The following NCAPD3 variants were observed in gnomAD, a reference collection of about 807,000 sequenced individuals.
NCAPD3 encodes the protein condensin-2 complex subunit D3.
NCAPD3 carries 105 observed loss-of-function variants against 182.9 expected under a neutral mutation model. The ratio of observed to expected loss-of-function variants is 0.57; its 90% CI spans 0.49 to 0.68. The LOEUF (loss-of-function observed/expected upper bound fraction) is 0.68. Among genes scored for constraint, NCAPD3 ranks in the 30% least tolerant of loss-of-function variants. The pLI, the probability that NCAPD3 is intolerant of heterozygous loss-of-function variation, is 0.00. For missense variants in NCAPD3, 1,944 were observed against 1,837.0 expected (o/e 1.06, Z -1.07); for synonymous variants, 815 against 679.9 (o/e 1.20, Z -3.09).
intron 24 of NCAPD3, among the ~76,000 whole-genome samples, chr11:134,169,834 T>A (rs180965035): frequency 1.3e-5 from 2 of 152,358 alleles, no homozygotes; most frequent in Admixed American, 1.3e-4. Flanking sequence ...GGGGTCAAAC[T>A]AACATGGTGC....
chr11:134,154,761 G>A (rs773772199), intron 32 of NCAPD3, among the ~76,000 whole-genome samples: 1 of 152,334 alleles, frequency 6.6e-6, no homozygotes, highest in South Asian at 2.1e-4. Flanking sequence ...GCTTCAGAGC[G>A]CTCCCCGTTC....
chr11:134,208,215 C>T (rs1937689838), intron 7 of NCAPD3, among the ~76,000 whole-genome samples: 1 of 152,210 alleles, frequency 6.6e-6, no homozygotes, highest in Non-Finnish European at 1.5e-5. Flanking sequence ...CCAAAAGCCA[C>T]ATGACCTTGG....
chr11:134,200,097 T>C (rs943858618), intron 13 of NCAPD3, among the ~76,000 whole-genome samples: 1 of 152,116 alleles, frequency 6.6e-6, no homozygotes, highest in African/African-American at 2.4e-5. Flanking sequence ...AAAAATTAAC[T>C]GAAAATTGAT....
At chr11:134,197,923 T>A (rs1188289387) in intron 13 of NCAPD3, among the ~76,000 whole-genome samples, 4 of 152,180 alleles carry the variant, frequency 2.6e-5, no homozygotes, top group Admixed American at 1.3e-4. Flanking sequence ...ACAGCTAACG[T>A]CGTACTCAGC....
intron 4 of NCAPD3, 117 bp downstream of exon 4, chr11:134,210,153 T>G (rs1591860807): frequency 1.2e-6 from 1 of 827,624 alleles, no homozygotes; most frequent in Non-Finnish European, 1.9e-6. Context: ...CTTATGATGG[T>G]TTAGGACCAT....
intron 28 of NCAPD3, among the ~76,000 whole-genome samples, chr11:134,160,577 C>G (rs550501205): frequency 6.6e-6 from 1 of 152,202 alleles, no homozygotes; most frequent in Non-Finnish European, 1.5e-5. Flanking sequence ...CAAATCCCAT[C>G]TTTGTGTCTT....
At chr11:134,220,505 TATA>T (rs1938185362) in intron 2 of NCAPD3, 64 bp downstream of exon 2, 2 of 1,471,806 alleles carry the variant, frequency 1.4e-6, no homozygotes, top group Admixed American at 3.6e-5. Flanking sequence ...AGCTTCAGAT[TATA>T]ATAATGACTT....
rs572577340 is a variant in NCAPD3 at position 134,197,856 on chromosome 11, C to T, written c.1616-3118G>A. 2.2e-4 allele frequency among the ~76,000 whole-genome samples: 34 copies of T among 152,280 alleles called. 2 individuals carry two copies. In the South Asian group the frequency reaches 6.9e-3, roughly 31 times the overall value. On this transcript the variant is annotated intron_variant, in intron 13 of 34. Coordinates refer to ENST00000534548, the MANE Select transcript of NCAPD3 (RefSeq NM_015261.3). The stretch of plus-strand genomic sequence containing the variant: ...ACACCTTTCCATGATAAAAACTCAG[C>T]AAGCTTGAAATGGAAGGAAACTTCC...
At chr11:134,199,722 C>T (rs1944708449) in intron 13 of NCAPD3, among the ~76,000 whole-genome samples, 1 of 152,162 alleles carries the variant, frequency 6.6e-6, no homozygotes, top group African/African-American at 2.4e-5. Context: ...AGATCTCTCC[C>T]GCATAACACG....
In NCAPD3 at chr11:134,208,852, C is replaced by T. The variant is rs371081317; in HGVS notation, c.882+12G>A. ...TCAACTAGTAACCAAATTAGGTTCT[C>T]ATCTCCTTTACCTTATCTCCTTCTC... On this transcript the variant is annotated intron_variant, in intron 7 of 34. Transcript: ENST00000534548. 4.4e-6 allele frequency: 7 copies of T among 1,596,062 alleles called. No homozygotes were observed. The highest frequency in any genetic ancestry group is 2.2e-5 in the East Asian group (1 of 44,712).
At chr11:134,164,055 G>C (rs902694566) in intron 27 of NCAPD3, among the ~76,000 whole-genome samples, 8 of 152,114 alleles carry the variant, frequency 5.3e-5, no homozygotes, top group Non-Finnish European at 7.4e-5. Context: ...GCAGGATCTT[G>C]TGGCAAGATA....
rs139784099 is a variant in NCAPD3 at position 134,223,486 on chromosome 11, T to A, written c.64+377A>T. The A allele has an allele frequency of 4.2e-3, 2,922 of 702,470 alleles. 36 individuals are homozygous for A. The highest frequency in any genetic ancestry group is 0.028 in the South Asian group (1,900 of 67,606). 43.5% of individuals were successfully genotyped at this position (702,470 alleles called of 1,614,324 possible). A position where few individuals can be genotyped will look rare whatever the true frequency, so the allele number is the denominator to read the frequency against. ...CATGTGAGACATCCAGTGGAACCTA[T>A]GAACATGAAGTTCAAGAAATAAGTC... On this transcript the variant is annotated intron_variant, in intron 1 of 34. Transcript: ENST00000534548.
At chr11:134,185,571 T>C (rs9888190) in intron 16 of NCAPD3, 45 bp from the exon 17 acceptor site, 266 of 1,474,466 alleles carry the variant, frequency 1.8e-4, no homozygotes, top group African/African-American at 1.5e-3. Flanking sequence ...ACTGTAAATA[T>C]ACAAAATGAT....
intron 20 of NCAPD3, 33 bp from the exon 21 acceptor site, chr11:134,178,969 AG>A: frequency 6.8e-7 from 1 of 1,476,582 alleles, no homozygotes; most frequent in South Asian, 1.2e-5. Flanking sequence ...AGTAAAAATA[AG>A]GCAAAAGAAA....
At position 134,206,663 on chromosome 11, in the gene NCAPD3, G is replaced by C. The variant is rs375103050; in HGVS notation, c.952C>G (p.Arg318Gly). 1.7e-5 allele frequency: 27 copies of C among 1,613,600 alleles called. No homozygotes were observed. The highest frequency in any genetic ancestry group is 2.1e-5 in the Non-Finnish European group (25 of 1,179,736). ...TGGGAGGTAACAGCAAGGGGGGCAC[G>C]ATGGGATCCTTCACCAACTTCTAAC... ...LMLEVGEGSH[R>G]APLAVTSQVI... Residue 318 changes from arginine to glycine, a missense_variant, in exon 8 of 35, where the codon CGT (arginine) becomes GGT (glycine). Transcript: ENST00000534548.
chr11:134,215,450 G>A (rs1482351194), intron 3 of NCAPD3, among the ~76,000 whole-genome samples: 1 of 152,164 alleles, frequency 6.6e-6, no homozygotes, highest in Non-Finnish European at 1.5e-5. Flanking sequence ...AATGAGTTTG[G>A]CAAGGTTCTA....
intron 15 of NCAPD3, 106 bp downstream of exon 15, chr11:134,193,910 A>G (rs991710474): frequency 8.5e-7 from 1 of 1,175,088 alleles, no homozygotes; most frequent in African/African-American, 1.5e-5. Flanking sequence ...TGGACTTAGT[A>G]GAGTTTTTAA....
At chr11:134,155,150 C>A (rs771844239) in intron 32 of NCAPD3, among the ~76,000 whole-genome samples, 2 of 152,212 alleles carry the variant, frequency 1.3e-5, no homozygotes, top group Non-Finnish European at 2.9e-5. Context: ...AAAACCCCCA[C>A]AGATTTTCAG....
chr11:134,216,311 T>C (rs1427966939), intron 3 of NCAPD3, among the ~76,000 whole-genome samples: 1 of 152,216 alleles, frequency 6.6e-6, no homozygotes, highest in African/African-American at 2.4e-5. Context: ...ATCTTGCCAT[T>C]CTCTTTTCCA....
Sources: gnomAD v4.1 joint callset for allele counts (sites outside exome capture counted in the v4.1 genomes callset) on GRCh38, gnomAD v4.1.1 for gene constraint, MANE v1.5 for transcripts, NCBI Gene and HGNC (gene_info 2026-07-23, HGNC 2026-07-21) for gene names.